DLG2: variants seen among roughly 807,000 people sequenced by gnomAD.
DLG2 encodes the protein disks large homolog 2.
DLG2 carries 45 observed loss-of-function variants against 132.5 expected under a neutral mutation model. That is an observed-to-expected ratio of 0.34 (90% confidence interval 0.27 to 0.44). The LOEUF (loss-of-function observed/expected upper bound fraction) is 0.44. Ranked by LOEUF, DLG2 falls within the 20% of genes least tolerant of loss-of-function variation. The probability of loss-of-function intolerance (pLI) is 1.00; values close to 1 mark genes in which losing one functional copy is unlikely to be tolerated. For synonymous variants in DLG2, 424 were observed against 419.6 expected (o/e 1.01, Z -0.13); for missense variants, 1,045 against 1,196.9 (o/e 0.87, Z 1.87).
rs191131214 is a variant in DLG2 at position 84,015,524 on chromosome 11, C to T, written c.920-34882G>A. Among the ~76,000 whole-genome samples, 33 of 152,270 alleles carry T rather than the reference C, an allele frequency of 2.2e-4. 1 individual carries two copies. The highest frequency in any genetic ancestry group is 1.6e-3 in the Admixed American group (25 of 15,278). ...TCTATTAGCTATTCTTCCTGATGCT[C>T]TCCCTTTTTCCACTCCCCACTCTCC... On this transcript the variant is annotated intron_variant, in intron 11 of 27. Coordinates refer to ENST00000376104, the MANE Select transcript of DLG2 (RefSeq NM_001142699.3).
chr11:84,373,440 C>T (rs1421752226), intron 7 of DLG2, among the ~76,000 whole-genome samples: 2 of 151,530 alleles, frequency 1.3e-5, no homozygotes, highest in African/African-American at 2.4e-5. Flanking sequence ...CATGATGGCA[C>T]GTGCCTGGAA....
At chr11:84,562,235 A>G (rs1457106124) in intron 6 of DLG2, among the ~76,000 whole-genome samples, 1 of 152,154 alleles carries the variant, frequency 6.6e-6, no homozygotes, top group Admixed American at 6.6e-5. Context: ...AATGACTACC[A>G]TTTAAGTTAC....
At chr11:84,612,194 C>G (rs2099596668) in intron 6 of DLG2, among the ~76,000 whole-genome samples, 1 of 151,962 alleles carries the variant, frequency 6.6e-6, no homozygotes, top group South Asian at 2.1e-4. Flanking sequence ...CTTTTTTAGC[C>G]TGGCTTTTTT....
At chr11:84,559,247 A>G (rs758748849) in intron 6 of DLG2, among the ~76,000 whole-genome samples, 22 of 152,160 alleles carry the variant, frequency 1.4e-4, no homozygotes, top group Admixed American at 2.0e-4. Flanking sequence ...TATAACAAAA[A>G]TCATTTAAAA....
At chr11:84,534,527 C>T (rs764497302) in intron 7 of DLG2, 43 bp downstream of exon 7, 3 of 1,594,020 alleles carry the variant, frequency 1.9e-6, no homozygotes, top group East Asian at 2.2e-5. Flanking sequence ...TTAAGACCAA[C>T]TACTGTCACC....
chr11:84,491,588 T>C (rs921728551), intron 7 of DLG2, among the ~76,000 whole-genome samples: 4 of 152,178 alleles, frequency 2.6e-5, no homozygotes, highest in Admixed American at 6.6e-5. Flanking sequence ...TTGTTCTAAC[T>C]GGGTTTCTAA....
chr11:85,426,223 C>G (rs1001823662), intron 3 of DLG2, among the ~76,000 whole-genome samples: 3 of 151,848 alleles, frequency 2.0e-5, no homozygotes, highest in African/African-American at 7.2e-5. Flanking sequence ...AGGGCACAGC[C>G]AAACAAAATC....
Position 85,154,632 on chromosome 11 carries a change from G to T in DLG2, c.206C>A (p.Ser69Ter). The change falls in exon 5 of 28, where the codon TCA (serine) becomes TAA (stop). Residue 69 changes from serine (S) to a stop codon, truncating the protein, a stop_gained. Coordinates refer to ENST00000376104, the MANE Select transcript of DLG2 (RefSeq NM_001142699.3). LOFTEE classifies it high-confidence loss of function. ...CTCAATACATGAAGCATTTTCCTTT[G>T]ATCCACTGCAATCTGTAAGCTAAAA... ...KSSELTDCSG[S>*]KENASCIEQN... is the part of the protein sequence containing the mutation. 1 of 1,517,964 alleles carries T rather than the reference G, an allele frequency of 6.6e-7. No homozygotes were observed. Among genetic ancestry groups the T allele is most frequent in the Non-Finnish European group, 8.9e-7 (1 of 1,120,516 alleles). The allele number at this position is 1,517,964 out of a possible 1,614,324, so 94.0% of individuals were successfully genotyped here. A position where few individuals can be genotyped will look rare whatever the true frequency, so the allele number is the denominator to read the frequency against.
chr11:84,058,517 A>T (rs1029954099), intron 11 of DLG2, among the ~76,000 whole-genome samples: 2 of 147,070 alleles, frequency 1.4e-5, no homozygotes, highest in African/African-American at 4.9e-5. Context: ...AATAATAATA[A>T]TAATAATAAT....
intron 6 of DLG2, among the ~76,000 whole-genome samples, chr11:84,617,449 T>C (rs1346936277): frequency 6.6e-6 from 1 of 152,102 alleles, no homozygotes; most frequent in Non-Finnish European, 1.5e-5. Flanking sequence ...AAACATATGT[T>C]TGCATGTGTC....
At chr11:85,203,741 A>T (rs957197374) in intron 4 of DLG2, among the ~76,000 whole-genome samples, 8 of 152,104 alleles carry the variant, frequency 5.3e-5, no homozygotes, top group African/African-American at 7.2e-5. Flanking sequence ...AGCACCTAAG[A>T]AAGCTACAGG....
chr11:84,411,549 G>A (rs2098903588), intron 7 of DLG2, among the ~76,000 whole-genome samples: 1 of 148,872 alleles, frequency 6.7e-6, no homozygotes, highest in Non-Finnish European at 1.5e-5. Flanking sequence ...CTATTTAGAA[G>A]ACATCTGTGG....
chr11:85,419,778 C>T (rs1042560295), intron 3 of DLG2, among the ~76,000 whole-genome samples: 2 of 152,206 alleles, frequency 1.3e-5, no homozygotes, highest in African/African-American at 2.4e-5. Context: ...TTTTCAGCTC[C>T]ATTAGGTAAT....
At chr11:84,170,947 T>A (rs938552651) in intron 8 of DLG2, among the ~76,000 whole-genome samples, 4 of 152,126 alleles carry the variant, frequency 2.6e-5, no homozygotes, top group Non-Finnish European at 5.9e-5. Context: ...CCAGGTGATA[T>A]CTCTCTGACC....
intron 21 of DLG2, among the ~76,000 whole-genome samples, chr11:83,501,256 G>A (rs902873770): frequency 4.8e-5 from 7 of 146,482 alleles, no homozygotes; most frequent in African/African-American, 7.6e-5. Context: ...TCAATGCCTA[G>A]AGAGCTACCT....
At chr11:84,530,836 C>T (rs981730993) in intron 7 of DLG2, among the ~76,000 whole-genome samples, 1 of 152,188 alleles carries the variant, frequency 6.6e-6, no homozygotes, top group Non-Finnish European at 1.5e-5. Context: ...ATGTTCCTTG[C>T]AGCACTATTC....
chr11:84,703,342 C>T, intron 6 of DLG2, among the ~76,000 whole-genome samples: 1 of 151,510 alleles, frequency 6.6e-6, no homozygotes, highest in African/African-American at 2.4e-5. Context: ...AACCCTGAGA[C>T]CCTGACTTGC....
intron 8 of DLG2, among the ~76,000 whole-genome samples, chr11:84,164,228 C>T (rs1010511351): frequency 6.6e-6 from 1 of 152,184 alleles, no homozygotes; most frequent in Non-Finnish European, 1.5e-5. Flanking sequence ...TAGATTTCCA[C>T]AAATGTGCAC....
At chr11:85,538,133 T>A (rs570126973) in intron 3 of DLG2, among the ~76,000 whole-genome samples, 38 of 151,190 alleles carry the variant, frequency 2.5e-4, no homozygotes, top group African/African-American at 8.8e-4. Context: ...AATAAAAAAT[T>A]AAAAAATAAA....
Sources: allele counts gnomAD v4.1 joint callset (sites outside exome capture counted in the v4.1 genomes callset), GRCh38; gene constraint gnomAD v4.1.1; transcripts MANE v1.5; gene names NCBI Gene and HGNC (gene_info 2026-07-23, HGNC 2026-07-21).